The following STRBP variants were observed in gnomAD, a reference collection of about 807,000 sequenced individuals.
The protein encoded by STRBP is spermatid perinuclear RNA binding protein, also known as spermatid perinuclear RNA-binding protein.
In STRBP, 13 loss-of-function variants were observed where a neutral mutation model predicts 80.1. That is an observed-to-expected ratio of 0.16 (90% CI 0.11 to 0.26). The LOEUF (loss-of-function observed/expected upper bound fraction) is 0.26. STRBP is among the 10% of genes least tolerant of loss of function. The pLI is 1.00. For missense variants in STRBP, 485 were observed against 815.2 expected (o/e 0.59, Z 4.93); for synonymous variants, 284 against 291.2 (o/e 0.98, Z 0.25).
chr9:123,123,747 C>T lies in STRBP; in HGVS notation c.*1850G>A. On this transcript the variant is annotated 3_prime_UTR_variant, in exon 19 of 19. Coordinates refer to ENST00000348403, the MANE Select transcript of STRBP (RefSeq NM_018387.5). ...CAAATAACAATACAGCCGCAGCTGC[C>T]AATTAATAGTATTCCAAAGACAATG... 1 of 985,310 alleles carries T rather than the reference C, an allele frequency of 1.0e-6. No homozygotes were observed. Among genetic ancestry groups the T allele is most frequent in the African/African-American group, 1.7e-5 (1 of 57,312 alleles). The allele number at this position is 985,310 out of a possible 1,614,324, so 61.0% of individuals were successfully genotyped here. A position where few individuals can be genotyped will look rare whatever the true frequency, so the allele number is the denominator to read the frequency against.
At chr9:123,218,507 C>CT (rs1293525793) in intron 2 of STRBP, among the ~76,000 whole-genome samples, 1 of 150,680 alleles carries the variant, frequency 6.6e-6, no homozygotes, top group African/African-American at 2.4e-5. Context: ...GTAGCTGGGA[C>CT]TACAGGCGCC....
At chr9:123,112,031 T>C in intron 3 of STRBP, 1 of 177,564 alleles carries the variant, frequency 5.6e-6, no homozygotes, top group Non-Finnish European at 1.3e-5. Context: ...TTCCTGCCTC[T>C]CCAGGGCCTG....
At chr9:123,139,424 C>A in intron 14 of STRBP, 105 bp downstream of exon 14, 1 of 899,372 alleles carries the variant, frequency 1.1e-6, no homozygotes, top group East Asian at 3.1e-5. Flanking sequence ...AATTTATGTA[C>A]AGGTTTGCAT....
intron 1 of STRBP, among the ~76,000 whole-genome samples, chr9:123,253,566 A>C (rs2040960476): frequency 6.6e-6 from 1 of 152,270 alleles, no homozygotes; most frequent in Non-Finnish European, 1.5e-5. Flanking sequence ...TTATCAGCTA[A>C]GTGATTCTAG....
chr9:123,234,724 T>C (rs2040500598), intron 2 of STRBP, among the ~76,000 whole-genome samples: 1 of 151,910 alleles, frequency 6.6e-6, no homozygotes, highest in Admixed American at 6.6e-5. Flanking sequence ...CATTGGGAAG[T>C]TGAGGGAAGC....
At chr9:123,169,876 A>G in intron 6 of STRBP, 26 bp downstream of exon 6, 2 of 1,101,350 alleles carry the variant, frequency 1.8e-6, no homozygotes, top group Non-Finnish European at 1.2e-6. Context: ...ATATATACAT[A>G]TATATATATA....
rs568691310 is a variant in STRBP at position 123,122,632 on chromosome 9, C to A, written c.*2965G>T. 124 of 1,047,348 alleles carry A rather than the reference C, an allele frequency of 1.2e-4. No homozygotes were observed. In the African/African-American group the frequency reaches 2.0e-3, roughly 17 times the overall value. 64.9% of individuals were successfully genotyped at this position (1,047,348 alleles called of 1,614,324 possible). A position where few individuals can be genotyped will look rare whatever the true frequency, so the allele number is the denominator to read the frequency against. ...AATCTACTGGACCAATTACCTTGCA[C>A]AAGAGATGGGGTACTCCTGCAGCCT... On this transcript the variant is annotated 3_prime_UTR_variant, in exon 19 of 19. Coordinates refer to ENST00000348403, the MANE Select transcript of STRBP (RefSeq NM_018387.5).
chr9:123,161,167 G>C (rs779120821), intron 6 of STRBP, 99 bp from the exon 7 acceptor site: 4 of 935,754 alleles, frequency 4.3e-6, no homozygotes, highest in Non-Finnish European at 6.4e-6. Context: ...AACAGCATTT[G>C]AGTGAACTAA....
At chr9:123,197,879 T>C (rs2039160668) in intron 2 of STRBP, among the ~76,000 whole-genome samples, 1 of 151,952 alleles carries the variant, frequency 6.6e-6, no homozygotes, top group Admixed American at 6.6e-5. Flanking sequence ...TTCACCCTGT[T>C]GGGTGGCTTG....
chr9:123,169,692 A>G (rs1469722343), intron 6 of STRBP, among the ~76,000 whole-genome samples: 1 of 152,158 alleles, frequency 6.6e-6, no homozygotes, highest in East Asian at 1.9e-4. Context: ...TTGAAATAAC[A>G]TTTTATATTT....
At chr9:123,175,048 A>C (rs947693104) in intron 4 of STRBP, among the ~76,000 whole-genome samples, 4 of 152,234 alleles carry the variant, frequency 2.6e-5, no homozygotes, top group African/African-American at 9.6e-5. Context: ...AGAAAGTAAC[A>C]TCTGAGCACA....
chr9:123,126,583 A>G lies in STRBP; in HGVS notation c.1943-910T>C, dbSNP rs1374767261. Among the ~76,000 whole-genome samples the G allele has an allele frequency of 7.2e-5, 11 of 152,310 alleles. No individual in the cohort carries two copies. In the East Asian group the frequency reaches 2.1e-3, roughly 29 times the overall value. On this transcript the variant is annotated intron_variant, in intron 18 of 18. Transcript: ENST00000348403. The surrounding 1 kb of genome is among the most constrained non-coding windows in gnomAD (Gnocchi z 4.4). ...TGTTAAAGGAGGAAAGGGAGGAACA[A>G]GAGAGAAAAAAAGACCAAGGAAAAA...
chr9:123,249,672 A>T (rs1355726459), intron 1 of STRBP, among the ~76,000 whole-genome samples: 1 of 152,188 alleles, frequency 6.6e-6, no homozygotes, highest in African/African-American at 2.4e-5. Context: ...ATCTGTTTTT[A>T]AATTATTTTT....
chr9:123,125,802 T>C (rs966114699), intron 18 of STRBP, 129 bp from the exon 19 acceptor site: 25 of 595,000 alleles, frequency 4.2e-5, no homozygotes, highest in Middle Eastern at 7.0e-4. Flanking sequence ...ATGTATACCA[T>C]TTTGCAAGAG....
chr9:123,215,368 A>G (rs2039862198), intron 2 of STRBP, among the ~76,000 whole-genome samples: 1 of 152,182 alleles, frequency 6.6e-6, no homozygotes, highest in Admixed American at 6.5e-5. Flanking sequence ...GAAGCCCATT[A>G]CTTACATAGC....
At chr9:123,127,524 T>C (rs192569779) in intron 18 of STRBP, among the ~76,000 whole-genome samples, 4 of 152,324 alleles carry the variant, frequency 2.6e-5, no homozygotes, top group African/African-American at 9.6e-5. Flanking sequence ...TCCAAACCTA[T>C]TGCCTCCATT....
intron 8 of STRBP, 119 bp downstream of exon 8, chr9:123,160,248 T>C (rs1245127418): frequency 3.5e-6 from 2 of 564,900 alleles, no homozygotes; most frequent in Admixed American, 7.5e-5. Flanking sequence ...ATGGCAAACA[T>C]ACATAATGCA....
intron 11 of STRBP, among the ~76,000 whole-genome samples, chr9:123,153,316 G>A (rs1315280868): frequency 6.6e-6 from 1 of 151,500 alleles, no homozygotes; most frequent in Admixed American, 6.6e-5. Context: ...TCAGCCTCCC[G>A]AGTAGCTGGG....
In STRBP at chr9:123,136,334, A is replaced by G. The variant is rs770666024; in HGVS notation, c.1632+47T>C. 6.2e-7 allele frequency: 1 copy of G among 1,609,422 alleles called. No homozygotes were observed. Among genetic ancestry groups the G allele is most frequent in the South Asian group, 1.1e-5 (1 of 90,416 alleles). On this transcript the variant is annotated intron_variant, in intron 15 of 18. Transcript: ENST00000348403. This position sits in a 1 kb window ranked among gnomAD's most constrained non-coding sequence, Gnocchi z 4.2. The stretch of plus-strand genomic sequence containing the variant: ...CTTTACATTAAGTTCAGGATATCCT[A>G]TGTCTTTGAGAAGAAAGATAAGGCT...
Sources: gnomAD v4.1 joint callset for allele counts (sites outside exome capture counted in the v4.1 genomes callset) on GRCh38, gnomAD v4.1.1 for gene constraint, Gnocchi (gnomAD v3.1) non-coding constraint, MANE v1.5 for transcripts, NCBI Gene and HGNC (gene_info 2026-07-23, HGNC 2026-07-21) for gene names.